GTF2H4: variants seen among roughly 807,000 people sequenced by gnomAD.
The protein encoded by GTF2H4 is general transcription factor IIH subunit 4, also known as BTF2 p52.
In GTF2H4, 49 loss-of-function variants were observed where a neutral mutation model predicts 62.2. The ratio of observed to expected loss-of-function variants is 0.79; its 90% confidence interval spans 0.63 to 1.00. The LOEUF (loss-of-function observed/expected upper bound fraction) is 1.00. Among genes scored for constraint, GTF2H4 ranks in the 50% least tolerant of loss-of-function variants. The probability of loss-of-function intolerance (pLI) is 0.00; values close to 1 mark genes in which losing one functional copy is unlikely to be tolerated. For synonymous variants in GTF2H4, 189 were observed against 233.8 expected, an observed-to-expected ratio of 0.81 and a Z score of 1.75; for missense variants, 479 against 587.8, an observed-to-expected ratio of 0.81 and a Z score of 1.91.
At position 30,910,940 on chromosome 6, in the gene GTF2H4, A is replaced by G. The variant is rs768208070; in HGVS notation, c.559A>G (p.Ser187Gly). ...QLLSQAGLMKSTEPGEPPCIT... is the reference protein window; with the variant it reads ...QLLSQAGLMKGTEPGEPPCIT... ...CCTCAGCCAGGCTGGGCTCATGAAG[A>G]GGTGAGGAAGCCGGAGGTACAGCAG... The change falls in exon 6 of 14, where the codon AGT (serine) becomes GGT (glycine). Residue 187 changes from serine to glycine, a missense_variant and splice_region_variant. Ser to Gly is a moderately conservative substitution (Grantham distance 56). Coordinates refer to ENST00000259895, the MANE Select transcript of GTF2H4 (RefSeq NM_001517.5). This position sits in a 1 kb window ranked among gnomAD's most constrained non-coding sequence, Gnocchi z 4.7. 1.1e-5 allele frequency: 17 copies of G among 1,604,040 alleles called. No homozygotes were observed. In the Admixed American group the frequency reaches 2.9e-4, roughly 27 times the overall value.
chr6:30,913,181 A>G lies in GTF2H4; in HGVS notation c.1137+24A>G. 6.2e-7 allele frequency: 1 copy of G among 1,613,972 alleles called. No individual in the cohort carries two copies. ...AGGTATAGACAGGCTCCAAGATGTC[A>G]GAGGCTGGCAGCTGGTGATGACATG... On this transcript the variant is annotated intron_variant, in intron 12 of 13. Transcript: ENST00000259895. The surrounding 1 kb of genome is among the most constrained non-coding windows in gnomAD (Gnocchi z 4.2).
At position 30,911,626 on chromosome 6, in the gene GTF2H4, G is replaced by T. The variant is rs1041089009; in HGVS notation, c.742-58G>T. The stretch of plus-strand genomic sequence containing the variant: ...ATGGAGAAAGAAAGAATGAATGTAT[G>T]GGGTTGGGGGTGGGTGGGTTGTGTT... On this transcript the variant is annotated intron_variant, in intron 8 of 13. Coordinates refer to ENST00000259895, the MANE Select transcript of GTF2H4 (RefSeq NM_001517.5). The surrounding 1 kb of genome is among the most constrained non-coding windows in gnomAD (Gnocchi z 4.3). 1 of 1,372,604 alleles carries T rather than the reference G, an allele frequency of 7.3e-7. No homozygotes were observed. The highest frequency in any genetic ancestry group is 1.0e-6 in the Non-Finnish European group (1 of 960,128). The allele number at this position is 1,372,604 out of a possible 1,614,324, so 85.0% of individuals were successfully genotyped here.
At position 30,911,418 on chromosome 6, in the gene GTF2H4, T is replaced by C; in HGVS notation, c.673-13T>C. 6.2e-7 allele frequency: 1 copy of C among 1,611,464 alleles called. No individual in the cohort carries two copies. The highest frequency in any genetic ancestry group is 1.1e-5 in the South Asian group (1 of 91,034). On this transcript the variant is annotated splice_polypyrimidine_tract_variant and intron_variant, in intron 7 of 13. Coordinates refer to ENST00000259895, the MANE Select transcript of GTF2H4 (RefSeq NM_001517.5). This position sits in a 1 kb window ranked among gnomAD's most constrained non-coding sequence, Gnocchi z 4.3. ...CCATCCCTCCTCCTTTGTCTCTGCC[T>C]CTTTCTCCCTAGAGCCGGGGCATGG...
chr6:30,913,908 G>A lies in GTF2H4; in HGVS notation c.1314G>A (p.Lys438=). Residue 438 remains lysine, a synonymous_variant, in exon 14 of 14, where the codon AAG becomes AAA. Coordinates refer to ENST00000259895, the MANE Select transcript of GTF2H4 (RefSeq NM_001517.5). The surrounding 1 kb of genome is among the most constrained non-coding windows in gnomAD (Gnocchi z 4.2). The part of the protein sequence containing the change: ...LGVLVFENSA[K]RLMVVTPAGH... ...TGCTCGTGTTCGAGAACTCGGCCAA[G>A]CGGCTCATGGTGGTGACCCCGGCCG... is the stretch of plus-strand genomic sequence containing the variant. 1.2e-6 allele frequency: 2 copies of A among 1,610,522 alleles called. No homozygotes were observed. The highest frequency in any genetic ancestry group is 1.3e-5 in the African/African-American group (1 of 74,850).
Position 30,913,807 on chromosome 6 carries a change from C to T in GTF2H4, c.1217-4C>T, listed in dbSNP as rs776399736. The T allele has an allele frequency of 6.4e-7, 1 of 1,551,478 alleles. No homozygotes were observed. Among genetic ancestry groups the T allele is most frequent in the African/African-American group, 1.4e-5 (1 of 72,464 alleles). ...CCGCGCCCCTCCCGTCCTGCCGACC[C>T]CAGGTGTCCTGTATAACCAGTTCCT... On this transcript the variant is annotated splice_region_variant and splice_polypyrimidine_tract_variant and intron_variant, in intron 13 of 13. Coordinates refer to ENST00000259895, the MANE Select transcript of GTF2H4 (RefSeq NM_001517.5). The surrounding 1 kb of genome is among the most constrained non-coding windows in gnomAD (Gnocchi z 4.2).
At position 30,912,544 on chromosome 6, in the gene GTF2H4, C is replaced by CT; in HGVS notation, c.1089+87dup. ...GGGGTCACATTATGGAAGGCTAGCT[C>CT]TGAGTCTGTTATAATAGGTGGTGGT... On this transcript the variant is annotated intron_variant, in intron 11 of 13. Coordinates refer to ENST00000259895, the MANE Select transcript of GTF2H4 (RefSeq NM_001517.5). The surrounding 1 kb of genome is among the most constrained non-coding windows in gnomAD (Gnocchi z 4.8). 6.5e-7 allele frequency: 1 copy of CT among 1,535,908 alleles called. No individual in the cohort carries two copies. The highest frequency in any genetic ancestry group is 8.9e-7 in the Non-Finnish European group (1 of 1,124,052).
chr6:30,910,665 G>T lies in GTF2H4; in HGVS notation c.375G>T (p.Gly125=), dbSNP rs750892629. Residue 125 remains glycine (G), a splice_region_variant and synonymous_variant, in exon 5 of 14, where the codon GGG becomes GGT. Transcript: ENST00000259895. This position sits in a 1 kb window ranked among gnomAD's most constrained non-coding sequence, Gnocchi z 4.7. ...RQNLRIALLG[G]GKAWSDDTSQ... ...TACTCTTGGCCCATCCTGGCCGTAG[G>T]GGGAAGGCCTGGTCTGATGACACAA... The T allele has an allele frequency of 5.6e-6, 9 of 1,612,182 alleles. No individual in the cohort carries two copies. In the East Asian group the frequency reaches 1.8e-4, roughly 32 times the overall value.
At position 30,913,304 on chromosome 6, in the gene GTF2H4, T is replaced by C. The variant is rs1164154574; in HGVS notation, c.1138-5T>C. 6.2e-7 allele frequency: 1 copy of C among 1,613,826 alleles called. No homozygotes were observed. The highest frequency in any genetic ancestry group is 8.5e-7 in the Non-Finnish European group (1 of 1,179,984). ...GTCCCTACAGTCAACCCTTGCTCCT[T>C]GCAGACACCTGTGCTGCCCCCCACC... On this transcript the variant is annotated splice_polypyrimidine_tract_variant and splice_region_variant and intron_variant, in intron 12 of 13. Coordinates refer to ENST00000259895, the MANE Select transcript of GTF2H4 (RefSeq NM_001517.5). The surrounding 1 kb of genome is among the most constrained non-coding windows in gnomAD (Gnocchi z 4.2).
Position 30,910,538 on chromosome 6 carries a change from C to A in GTF2H4, c.375-127C>A. The stretch of plus-strand genomic sequence containing the variant: ...TAGAGATGGGGTTTCGCCATGTTGG[C>A]CAGGCTGGTCTTGAACTCCTGACCT... On this transcript the variant is annotated intron_variant, in intron 4 of 13. Transcript: ENST00000259895. The surrounding 1 kb of genome is among the most constrained non-coding windows in gnomAD (Gnocchi z 4.7). 1.4e-6 allele frequency: 1 copy of A among 735,272 alleles called. No individual in the cohort carries two copies. Among genetic ancestry groups the A allele is most frequent in the South Asian group, 1.5e-5 (1 of 68,278 alleles). 45.5% of individuals were successfully genotyped at this position (735,272 alleles called of 1,614,324 possible). A position where few individuals can be genotyped will look rare whatever the true frequency, so the allele number is the denominator to read the frequency against.
In GTF2H4 at chr6:30,908,420, G is replaced by A. The variant is rs1331664604; in HGVS notation, c.-4+17G>A. On this transcript the variant is annotated intron_variant, in intron 1 of 13. Coordinates refer to ENST00000259895, the MANE Select transcript of GTF2H4 (RefSeq NM_001517.5). The stretch of plus-strand genomic sequence containing the variant: ...GACAGAGTGGTGAGGGGACCTAGGA[G>A]GGCGGGAGTGGCAGAGGTATGAGAG... The A allele has an allele frequency of 6.3e-6, 1 of 159,242 alleles. No homozygotes were observed. The highest frequency in any genetic ancestry group is 2.4e-5 in the African/African-American group (1 of 41,536). 9.9% of individuals were successfully genotyped at this position (159,242 alleles called of 1,614,324 possible). A position where few individuals can be genotyped will look rare whatever the true frequency, so the allele number is the denominator to read the frequency against.
Position 30,910,977 on chromosome 6 carries a change from G to GGAAC in GTF2H4, c.560+36_560+37insGAAC, listed in dbSNP as rs1793739018. On this transcript the variant is annotated intron_variant, in intron 6 of 13. Coordinates refer to ENST00000259895, the MANE Select transcript of GTF2H4 (RefSeq NM_001517.5). This position sits in a 1 kb window ranked among gnomAD's most constrained non-coding sequence, Gnocchi z 4.7. ...CGGAGGTACAGCAGCTCTCTGCTGTGCCATCTCCTTGGGTCCCTAAGAAAT... is the reference window on the plus strand; with the variant it reads ...CGGAGGTACAGCAGCTCTCTGCTGTGGAACCCATCTCCTTGGGTCCCTAAGAAAT... 1 of 1,496,700 alleles carries GGAAC rather than the reference G, an allele frequency of 6.7e-7. No homozygotes were observed. The highest frequency in any genetic ancestry group is 1.8e-5 in the Admixed American group (1 of 54,166). The allele number at this position is 1,496,700 out of a possible 1,614,324, so 92.7% of individuals were successfully genotyped here. A position where few individuals can be genotyped will look rare whatever the true frequency, so the allele number is the denominator to read the frequency against.
Position 30,913,969 on chromosome 6 carries a change from A to T in GTF2H4, c.1375A>T (p.Lys459Ter). ...SDVKRFWKRQ[K>*]HSS ...CGTCAAGCGCTTTTGGAAGCGGCAG[A>T]AACATAGCTCCTGAGAGCGCGGGAC... is the stretch of plus-strand genomic sequence containing the variant. The change falls in exon 14 of 14, where the codon AAA (lysine) becomes TAA (stop). Residue 459 changes from lysine (K) to a stop codon, truncating the protein, a stop_gained. Transcript: ENST00000259895. LOFTEE classifies it high-confidence loss of function. This position sits in a 1 kb window ranked among gnomAD's most constrained non-coding sequence, Gnocchi z 4.2. The T allele has an allele frequency of 6.3e-7, 1 of 1,599,670 alleles. No individual in the cohort carries two copies. The highest frequency in any genetic ancestry group is 8.5e-7 in the Non-Finnish European group (1 of 1,173,034).
At position 30,910,698 on chromosome 6, in the gene GTF2H4, G is replaced by C. The variant is rs749513014; in HGVS notation, c.408G>C (p.Leu136=). The C allele has an allele frequency of 6.2e-7, 1 of 1,613,010 alleles. No homozygotes were observed. Among genetic ancestry groups the C allele is most frequent in the East Asian group, 2.2e-5 (1 of 44,868 alleles). Residue 136 remains leucine, a synonymous_variant, in exon 5 of 14, where the codon CTG becomes CTC. Transcript: ENST00000259895. The surrounding 1 kb of genome is among the most constrained non-coding windows in gnomAD (Gnocchi z 4.7). ...GKAWSDDTSQ[L]GPDKHARDVP... is the part of the protein sequence containing the mutation. ...CCTGGTCTGATGACACAAGTCAGCTGGGACCAGACAAGCATGCCCGGGACG... is the reference window on the plus strand; with the variant it reads ...CCTGGTCTGATGACACAAGTCAGCTCGGACCAGACAAGCATGCCCGGGACG...
At position 30,912,119 on chromosome 6, in the gene GTF2H4, A is replaced by G; in HGVS notation, c.931A>G (p.Thr311Ala). ...VHQPGFIVVE[T>A]NYRLYAYTES... is the part of the protein sequence containing the mutation. ...TCAGCCAGGTTTCATTGTCGTGGAA[A>G]CCAATTACCGACTGTATGCCTACAC... Residue 311 changes from threonine to alanine, a missense_variant, in exon 10 of 14, where the codon ACC (threonine) becomes GCC (alanine). By Grantham distance (58) the Thr-to-Ala change is moderately conservative. Transcript: ENST00000259895. The surrounding 1 kb of genome is among the most constrained non-coding windows in gnomAD (Gnocchi z 4.8). 6.2e-7 allele frequency: 1 copy of G among 1,612,746 alleles called. No homozygotes were observed. The highest frequency in any genetic ancestry group is 8.5e-7 in the Non-Finnish European group (1 of 1,179,946).
chr6:30,908,913 A>T (rs1793649216), intron 1 of GTF2H4, 121 bp from the exon 2 acceptor site: 1 of 1,100,152 alleles, frequency 9.1e-7, no homozygotes, highest in Non-Finnish European at 1.4e-6. Context: ...GACATGGGAA[A>T]GGAGACCACA....
At position 30,912,210 on chromosome 6, in the gene GTF2H4, C is replaced by T. The variant is rs1264308; in HGVS notation, c.958+64C>T. ...GGGTGAGGGAATGCCAGTTTATGTT[C>T]GTGTTTACCTGGCAGTCTACAGAGC... is the stretch of plus-strand genomic sequence containing the variant. On this transcript the variant is annotated intron_variant, in intron 10 of 13. Coordinates refer to ENST00000259895, the MANE Select transcript of GTF2H4 (RefSeq NM_001517.5). The surrounding 1 kb of genome is among the most constrained non-coding windows in gnomAD (Gnocchi z 4.8). The T allele has an allele frequency of 0.12, 184,460 of 1,603,026 alleles. 12,997 individuals carry two copies. The highest frequency in any genetic ancestry group is 0.14 in the Non-Finnish European group (161,807 of 1,173,294).
Position 30,913,200 on chromosome 6 carries a change from T to C in GTF2H4, c.1137+43T>C. On this transcript the variant is annotated intron_variant, in intron 12 of 13. Transcript: ENST00000259895. The surrounding 1 kb of genome is among the most constrained non-coding windows in gnomAD (Gnocchi z 4.2). ...GATGTCAGAGGCTGGCAGCTGGTGATGACATGATGGAAAAGAAAAAGGGGC... is the reference window on the plus strand; with the variant it reads ...GATGTCAGAGGCTGGCAGCTGGTGACGACATGATGGAAAAGAAAAAGGGGC... 1 of 1,613,592 alleles carries C rather than the reference T, an allele frequency of 6.2e-7. No individual in the cohort carries two copies. Among genetic ancestry groups the C allele is most frequent in the Non-Finnish European group, 8.5e-7 (1 of 1,179,618 alleles).
In GTF2H4 at chr6:30,913,246, C is replaced by CA; in HGVS notation, c.1138-62dup. 1 of 1,612,160 alleles carries CA rather than the reference C, an allele frequency of 6.2e-7. No individual in the cohort carries two copies. Among genetic ancestry groups the CA allele is most frequent in the South Asian group, 1.1e-5 (1 of 90,990 alleles). ...GGGGCATCCAAATCTGGGGAAGAAA[C>CA]AGAGGGCCGGGTTGTCTGGGGCAGT... On this transcript the variant is annotated intron_variant, in intron 12 of 13. Transcript: ENST00000259895. The surrounding 1 kb of genome is among the most constrained non-coding windows in gnomAD (Gnocchi z 4.2).
chr6:30,909,871 C>T lies in GTF2H4; in HGVS notation c.243-61C>T. On this transcript the variant is annotated intron_variant, in intron 3 of 13. Transcript: ENST00000259895. The surrounding 1 kb of genome is among the most constrained non-coding windows in gnomAD (Gnocchi z 4.3). ...AGTTCAGAACAGGCAGAGATGGTGG[C>T]TTTTATGGGCCTCCTTTTTGTTTTC... 1 of 1,543,232 alleles carries T rather than the reference C, an allele frequency of 6.5e-7. No individual in the cohort carries two copies. The highest frequency in any genetic ancestry group is 8.8e-7 in the Non-Finnish European group (1 of 1,140,142).
Sources: gnomAD v4.1 joint callset for allele counts on GRCh38, gnomAD v4.1.1 for gene constraint, Gnocchi (gnomAD v3.1) non-coding constraint, MANE v1.5 for transcripts, NCBI Gene and HGNC (gene_info 2026-07-23, HGNC 2026-07-21) for gene names.